GUCY1A2: variants seen among roughly 807,000 people sequenced by gnomAD.
GUCY1A2 encodes the protein guanylate cyclase 1 soluble subunit alpha 2, also known as guanylate cyclase soluble subunit alpha-2.
GUCY1A2 carries 27 observed loss-of-function variants against 63.5 expected under a neutral mutation model. The ratio of observed to expected loss-of-function variants is 0.43; its 90% CI spans 0.31 to 0.59. The LOEUF (loss-of-function observed/expected upper bound fraction) is 0.59, where lower values mean the gene tolerates loss of function less well. GUCY1A2 is among the 20% of genes least tolerant of loss of function. GUCY1A2 has a pLI of 0.11. For synonymous variants in GUCY1A2, 364 were observed against 343.5 expected (o/e 1.06, Z -0.66); for missense variants, 768 against 913.3 (o/e 0.84, Z 2.05).
At position 106,939,507 on chromosome 11, in the gene GUCY1A2, C is replaced by T. The variant is rs1472634930; in HGVS notation, c.1159G>A (p.Val387Met). 6.2e-7 allele frequency: 1 copy of T among 1,611,218 alleles called. No homozygotes were observed. ...RVLLRLSTPF[V>M]IRTKPEASGS... The stretch of plus-strand genomic sequence containing the variant: ...GAAGCCTCAGGCTTGGTTCTAATCA[C>T]AAACGGGGTAGACAGTCGCAGCAGG... The change falls in exon 4 of 8, where the codon GTG becomes ATG. Residue 387 changes from valine (V) to methionine (M), a missense_variant. By Grantham distance (21) the Val-to-Met change is conservative. Transcript: ENST00000526355.
intron 5 of GUCY1A2, among the ~76,000 whole-genome samples, chr11:106,780,260 C>A (rs1319338593): frequency 6.6e-6 from 1 of 151,654 alleles, no homozygotes; most frequent in African/African-American, 2.4e-5. Flanking sequence ...ACACAGACAT[C>A]AAAAAAACAG....
In GUCY1A2 at chr11:106,677,023, C is replaced by G. The variant is rs1862357803; in HGVS notation, c.*10526G>C. On this transcript the variant is annotated 3_prime_UTR_variant, in exon 8 of 8. Transcript: ENST00000526355. ...TCAGTCACTTCTATCCTCAACTGAT[C>G]TGCATCTACGTGCTCATCTTCTTTC... The G allele has an allele frequency of 4.7e-6, 1 of 214,002 alleles. No individual in the cohort carries two copies. Among genetic ancestry groups the G allele is most frequent in the Non-Finnish European group, 9.5e-6 (1 of 105,650 alleles). The allele number at this position is 214,002 out of a possible 1,614,324, so 13.3% of individuals were successfully genotyped here. A position where few individuals can be genotyped will look rare whatever the true frequency, so the allele number is the denominator to read the frequency against.
At chr11:106,827,445 T>C in intron 4 of GUCY1A2, 1 of 1,445,764 alleles carries the variant, frequency 6.9e-7, no homozygotes. Flanking sequence ...CTAAGATCAT[T>C]ATTCTTTTAG....
intron 5 of GUCY1A2, among the ~76,000 whole-genome samples, chr11:106,783,425 C>G (rs1056988860): frequency 3.9e-5 from 6 of 152,054 alleles, no homozygotes; most frequent in African/African-American, 1.5e-4. Context: ...GATACCAGAA[C>G]AGCCTGAGTA....
chr11:106,905,153 G>A (rs1298206577), intron 4 of GUCY1A2, among the ~76,000 whole-genome samples: 1 of 151,958 alleles, frequency 6.6e-6, no homozygotes, highest in African/African-American at 2.4e-5. Flanking sequence ...TACAACCAAT[G>A]GATCATTTAC....
At chr11:106,903,029 C>G (rs1860155957) in intron 4 of GUCY1A2, among the ~76,000 whole-genome samples, 1 of 152,144 alleles carries the variant, frequency 6.6e-6, no homozygotes, top group Non-Finnish European at 1.5e-5. Flanking sequence ...TATAAGAACT[C>G]TAACTGAACT....
chr11:106,851,102 C>T (rs1328282465), intron 4 of GUCY1A2, among the ~76,000 whole-genome samples: 5 of 151,688 alleles, frequency 3.3e-5, no homozygotes, highest in African/African-American at 7.3e-5. Context: ...ATGTTGAATG[C>T]TTTATTCATA....
intron 3 of GUCY1A2, among the ~76,000 whole-genome samples, chr11:106,956,151 T>C (rs184898006): frequency 6.6e-6 from 1 of 151,970 alleles, no homozygotes; most frequent in Non-Finnish European, 1.5e-5. Flanking sequence ...TCATTTATGT[T>C]TCTCTCTAAA....
chr11:106,902,629 T>A (rs1275229487), intron 4 of GUCY1A2, among the ~76,000 whole-genome samples: 1 of 152,204 alleles, frequency 6.6e-6, no homozygotes, highest in Non-Finnish European at 1.5e-5. Flanking sequence ...TTTTCTATCA[T>A]AATAGTGAAA....
chr11:106,796,177 C>A (rs1008248123), intron 5 of GUCY1A2, among the ~76,000 whole-genome samples: 2 of 152,240 alleles, frequency 1.3e-5, no homozygotes, highest in Non-Finnish European at 2.9e-5. Context: ...TTCCTCCATC[C>A]CTTTATTTTG....
intron 1 of GUCY1A2, among the ~76,000 whole-genome samples, chr11:107,012,919 G>A (rs1861767680): frequency 6.6e-6 from 1 of 151,822 alleles, no homozygotes; most frequent in African/African-American, 2.4e-5. Flanking sequence ...CTACATGTTA[G>A]TTACACACAT....
At chr11:106,701,484 C>G (rs1402205447) in intron 7 of GUCY1A2, among the ~76,000 whole-genome samples, 2 of 152,014 alleles carry the variant, frequency 1.3e-5, no homozygotes, top group Non-Finnish European at 2.9e-5. Flanking sequence ...CACTTTGCTC[C>G]CCACTGCTCT....
At chr11:106,879,919 T>C (rs1260972299) in intron 4 of GUCY1A2, among the ~76,000 whole-genome samples, 1 of 152,102 alleles carries the variant, frequency 6.6e-6, no homozygotes, top group Non-Finnish European at 1.5e-5. Context: ...CATCAGTTAA[T>C]CTAATTTTAA....
intron 4 of GUCY1A2, among the ~76,000 whole-genome samples, chr11:106,922,495 A>G (rs914856460): frequency 6.6e-6 from 1 of 150,802 alleles, no homozygotes; most frequent in African/African-American, 2.4e-5. Flanking sequence ...ATATAAATAC[A>G]TATATTTGTT....
intron 4 of GUCY1A2, among the ~76,000 whole-genome samples, chr11:106,892,799 G>A (rs555052488): frequency 1.3e-5 from 2 of 152,250 alleles, no homozygotes; most frequent in South Asian, 4.1e-4. Flanking sequence ...TGTAGAAAAT[G>A]TTTGGGGTTT....
At chr11:106,937,140 C>T (rs1860690243) in intron 4 of GUCY1A2, among the ~76,000 whole-genome samples, 1 of 152,172 alleles carries the variant, frequency 6.6e-6, no homozygotes, top group Non-Finnish European at 1.5e-5. Flanking sequence ...TTCTGGCAAA[C>T]TCAGGTGAGT....
At chr11:106,696,699 T>TA (rs887851621) in intron 7 of GUCY1A2, among the ~76,000 whole-genome samples, 1 of 152,064 alleles carries the variant, frequency 6.6e-6, no homozygotes, top group Non-Finnish European at 1.5e-5. Context: ...ATTTGGAGGC[T>TA]AAAAAAAGGG....
At chr11:106,825,950 T>C (rs531556717) in intron 4 of GUCY1A2, among the ~76,000 whole-genome samples, 2 of 152,164 alleles carry the variant, frequency 1.3e-5, no homozygotes, top group Admixed American at 1.3e-4. Flanking sequence ...ATATAAATAT[T>C]AGCAAACGAG....
intron 3 of GUCY1A2, among the ~76,000 whole-genome samples, chr11:106,942,607 T>C (rs762007792): frequency 1.1e-4 from 17 of 152,234 alleles, no homozygotes; most frequent in Non-Finnish European, 1.8e-4. Context: ...TTCAAAAGAC[T>C]TCAGGTCCAT....
Sources: allele counts gnomAD v4.1 joint callset (sites outside exome capture counted in the v4.1 genomes callset), GRCh38; gene constraint gnomAD v4.1.1; transcripts MANE v1.5; gene names NCBI Gene and HGNC (gene_info 2026-07-23, HGNC 2026-07-21).